ADH6: variants seen among roughly 807,000 people sequenced by gnomAD.
ADH6 encodes the protein alcohol dehydrogenase 6 (class V).
Under a neutral mutation model 36.5 loss-of-function variants are expected in ADH6, and 34 were observed. The ratio of observed to expected loss-of-function variants is 0.93; its 90% CI spans 0.71 to 1.24. ADH6 has a LOEUF of 1.24. Ranked by LOEUF, ADH6 falls within the 50% of genes most tolerant of loss-of-function variation. ADH6 has a pLI of 0.00. For missense variants in ADH6, 440 were observed against 447.0 expected (o/e 0.98, Z 0.14); for synonymous variants, 161 against 155.5 (o/e 1.04, Z -0.26).
In ADH6 at chr4:99,207,528, C is replaced by T; in HGVS notation, c.882G>A (p.Gly294=). 6.2e-7 allele frequency: 1 copy of T among 1,613,548 alleles called. No individual in the cohort carries two copies. Among genetic ancestry groups the T allele is most frequent in the Non-Finnish European group, 8.5e-7 (1 of 1,179,710 alleles). Reference sequence around the variant, plus strand: ...TGAGTTGAACACTGGCAGGCAACACCCCAACAACCACACAGACCCCATAGC... The same window carrying T: ...TGAGTTGAACACTGGCAGGCAACACTCCAACAACCACACAGACCCCATAGC... ...NESYGVCVVV[G]VLPASVQLKI... The change falls in exon 7 of 9, where the codon GGG becomes GGA. Residue 294 remains glycine (G), a synonymous_variant. Transcript: ENST00000394899.
chr4:99,205,770 A>G (rs561406424), intron 7 of ADH6, among the ~76,000 whole-genome samples: 5 of 152,238 alleles, frequency 3.3e-5, no homozygotes, highest in African/African-American at 1.2e-4. Flanking sequence ...TCATTGCTAG[A>G]AAGGGTGGGT....
intron 2 of ADH6, 30 bp from the exon 3 acceptor site, chr4:99,213,777 C>T (rs199513108): frequency 6.5e-7 from 1 of 1,530,542 alleles, no homozygotes; most frequent in African/African-American, 1.4e-5. Flanking sequence ...TACTGCAGTT[C>T]CCGCTGTTTC....
intron 7 of ADH6, 38 bp from the exon 8 acceptor site, chr4:99,205,101 G>C: frequency 6.6e-7 from 1 of 1,523,978 alleles, no homozygotes; most frequent in Non-Finnish European, 8.8e-7. Flanking sequence ...TACACATGAG[G>C]CTTCATTATA....
At position 99,204,234 on chromosome 4, in the gene ADH6, A is replaced by T; in HGVS notation, c.1113T>A (p.Cys371Ter). ...ELMKTGKCIR[C>*]ILLL ...TACATTGTACTTAAAGTAACAGGAT[A>T]CAGCGGATACTGAAAAAAAGAAGAA... The change falls in exon 9 of 9, where the codon TGT (cysteine) becomes TGA (stop). Residue 371 changes from cysteine to a stop codon, truncating the protein, a stop_gained. Coordinates refer to ENST00000394899, the MANE Select transcript of ADH6 (RefSeq NM_001102470.2). LOFTEE classifies it high-confidence loss of function. 1 of 1,602,146 alleles carries T rather than the reference A, an allele frequency of 6.2e-7. No homozygotes were observed. The highest frequency in any genetic ancestry group is 8.5e-7 in the Non-Finnish European group (1 of 1,178,516).
intron 7 of ADH6, 135 bp downstream of exon 7, chr4:99,207,311 A>G: frequency 8.9e-7 from 1 of 1,126,676 alleles, no homozygotes; most frequent in South Asian, 1.6e-5. Flanking sequence ...TATATTGGGT[A>G]TTCATATGTT....
intron 3 of ADH6, among the ~76,000 whole-genome samples, chr4:99,211,657 T>C (rs1731229525): frequency 6.6e-6 from 1 of 152,152 alleles, no homozygotes; most frequent in Admixed American, 6.6e-5. Context: ...GTCATTAAGA[T>C]AGGGAGATTA....
chr4:99,211,576 C>A (rs1444090169), intron 3 of ADH6, among the ~76,000 whole-genome samples: 3 of 152,166 alleles, frequency 2.0e-5, no homozygotes, highest in Non-Finnish European at 4.4e-5. Context: ...GTTGTGGTGT[C>A]ATGCCTGTGA....
At chr4:99,209,149 TAG>T (rs2110546741) in intron 5 of ADH6, among the ~76,000 whole-genome samples, 1 of 152,302 alleles carries the variant, frequency 6.6e-6, no homozygotes, top group African/African-American at 2.4e-5. Flanking sequence ...TGCCTGAAAG[TAG>T]AGTTTCAAGT....
chr4:99,214,634 T>C (rs925156507), intron 2 of ADH6, among the ~76,000 whole-genome samples: 4 of 152,286 alleles, frequency 2.6e-5, no homozygotes, highest in African/African-American at 9.6e-5. Context: ...CTGTGTGAAC[T>C]TGGGGGTAAA....
Position 99,210,180 on chromosome 4 carries a change from AGATTTCCT to A in ADH6, c.461_468del (p.Lys154IlefsTer6), listed in dbSNP as rs1427539212. ...GCGACTGCATCAATCTTGGCAACTG[AGATTTCCT>A]TTATCACTGTGTATTCACAGAAGGT... is the stretch of plus-strand genomic sequence containing the variant. On this transcript the variant is annotated frameshift_variant, in exon 5 of 9. Transcript: ENST00000394899. LOFTEE classifies it high-confidence loss of function. 1 of 1,613,828 alleles carries A rather than the reference AGATTTCCT, an allele frequency of 6.2e-7. No homozygotes were observed. Among genetic ancestry groups the A allele is most frequent in the Admixed American group, 1.7e-5 (1 of 59,954 alleles).
chr4:99,217,048 G>GT (rs1560810158), intron 1 of ADH6, among the ~76,000 whole-genome samples: 1 of 151,848 alleles, frequency 6.6e-6, no homozygotes, highest in Non-Finnish European at 1.5e-5. Context: ...TTTTGTTTTT[G>GT]TTTTTGAGAT....
chr4:99,218,989 G>A (rs781436264), intron 1 of ADH6, 146 bp downstream of exon 1: 52 of 729,634 alleles, frequency 7.1e-5, no homozygotes, highest in Non-Finnish European at 8.6e-5. Flanking sequence ...AAGGAAAAAG[G>A]AGAGGAGGAG....
chr4:99,214,325 G>A (rs890756112), intron 2 of ADH6, among the ~76,000 whole-genome samples: 3 of 152,082 alleles, frequency 2.0e-5, no homozygotes, highest in African/African-American at 4.8e-5. Flanking sequence ...CCAGTAGTTC[G>A]AGGCTGCAGT....
chr4:99,212,464 CTT>C (rs942956152), intron 3 of ADH6, among the ~76,000 whole-genome samples: 10 of 152,088 alleles, frequency 6.6e-5, no homozygotes, highest in South Asian at 2.1e-4. Context: ...CACTTGAAGA[CTT>C]ATATTTTGTG....
In ADH6 at chr4:99,207,470, A is replaced by T; in HGVS notation, c.940T>A (p.Ser314Thr). Reference sequence around the variant, plus strand: ...CCTCCAAAAACAGAACCCTTCAAAGAACGTCCTGAGAAGAACAACTGGCCA... The same window carrying T: ...CCTCCAAAAACAGAACCCTTCAAAGTACGTCCTGAGAAGAACAACTGGCCA... ...ISGQLFFSGR[S>T]LKGSVFGGWK... Residue 314 changes from serine to threonine, a missense_variant, in exon 7 of 9, where the codon TCT (serine) becomes ACT (threonine). Coordinates refer to ENST00000394899, the MANE Select transcript of ADH6 (RefSeq NM_001102470.2). The T allele has an allele frequency of 6.2e-7, 1 of 1,613,580 alleles. No homozygotes were observed. Among genetic ancestry groups the T allele is most frequent in the Non-Finnish European group, 8.5e-7 (1 of 1,179,656 alleles).
chr4:99,204,052 A>G lies in ADH6; in HGVS notation c.*167T>C, dbSNP rs2110539599. The G allele has an allele frequency of 1.4e-6, 1 of 725,214 alleles. No homozygotes were observed. The highest frequency in any genetic ancestry group is 2.1e-6 in the Non-Finnish European group (1 of 482,154). 44.9% of individuals were successfully genotyped at this position (725,214 alleles called of 1,614,324 possible). On this transcript the variant is annotated 3_prime_UTR_variant, in exon 9 of 9. Transcript: ENST00000394899. The stretch of plus-strand genomic sequence containing the variant: ...ACTGGGTTACGTAAGAACAATTTTG[A>G]TGAAATGGTTAGGTCAGAAGCCAGA...
intron 7 of ADH6, 48 bp downstream of exon 7, chr4:99,207,398 C>T (rs200786787): frequency 1.3e-4 from 205 of 1,603,750 alleles, no homozygotes; most frequent in Middle Eastern, 1.7e-4. Context: ...TTCTATTTCC[C>T]ACCTTCACCT....
Sources: allele counts gnomAD v4.1 joint callset (sites outside exome capture counted in the v4.1 genomes callset), GRCh38; gene constraint gnomAD v4.1.1; transcripts MANE v1.5; gene names NCBI Gene and HGNC (gene_info 2026-07-23, HGNC 2026-07-21).